FAT3: variants seen among roughly 807,000 people sequenced by gnomAD.
FAT3 encodes the protein protocadherin Fat 3.
Under a neutral mutation model 310.2 loss-of-function variants are expected in FAT3, and 95 were observed. That is an observed-to-expected ratio of 0.31 (90% CI 0.26 to 0.36). FAT3 has a LOEUF of 0.36. Among genes scored for constraint, FAT3 ranks in the 10% least tolerant of loss-of-function variants. FAT3 has a pLI of 1.00. For synonymous variants in FAT3, 2,314 were observed against 2,192.9 expected (o/e 1.06, Z -1.54); for missense variants, 5,408 against 5,715.6 (o/e 0.95, Z 1.74).
At position 92,354,773 on chromosome 11, in the gene FAT3, T is replaced by C; in HGVS notation, c.2661T>C (p.Tyr887=). The C allele has an allele frequency of 1.9e-6, 3 of 1,613,960 alleles. No individual in the cohort carries two copies. The highest frequency in any genetic ancestry group is 2.5e-6 in the Non-Finnish European group (3 of 1,179,880). The change falls in exon 2 of 28, where the codon TAT becomes TAC. Residue 887 remains tyrosine (Y), a synonymous_variant. Transcript: ENST00000525166. ...TCAATAGCTCAACTGGAATCGTTTA[T>C]GTAGCCGACCAGTTGGACCGGGAAT... ...FAINSSTGIV[Y]VADQLDRESK...
intron 1 of FAT3, among the ~76,000 whole-genome samples, chr11:92,254,261 A>T (rs901248397): frequency 1.3e-5 from 2 of 152,182 alleles, no homozygotes; most frequent in Non-Finnish European, 2.9e-5. Flanking sequence ...CTCCACACCC[A>T]AATATGGACA....
Position 92,320,135 on chromosome 11 carries a change from T to C in FAT3, c.-17-31961T>C, listed in dbSNP as rs182147390. ...GCAGGTGAGAACTGGGGATTTTCAT[T>C]TATTAGGTTGGTGCAAAAGTAATTG... On this transcript the variant is annotated intron_variant, in intron 1 of 27. Transcript: ENST00000525166. Among the ~76,000 whole-genome samples, 5 of 152,332 alleles carry C rather than the reference T, an allele frequency of 3.3e-5. No individual in the cohort carries two copies. In the East Asian group the frequency reaches 9.7e-4, roughly 29 times the overall value.
chr11:92,319,124 C>G (rs1359485613), intron 1 of FAT3, among the ~76,000 whole-genome samples: 1 of 152,166 alleles, frequency 6.6e-6, no homozygotes, highest in African/African-American at 2.4e-5. Context: ...TTGGACATCT[C>G]TATGAAAGGC....
intron 1 of FAT3, among the ~76,000 whole-genome samples, chr11:92,266,556 G>A (rs7113237): frequency 0.12 from 18,695 of 152,082 alleles, 1,261 homozygotes; most frequent in East Asian, 0.3. Context: ...GTTATATTAG[G>A]GAATTTAGTA....
At chr11:92,341,436 C>T (rs1039986558) in intron 1 of FAT3, among the ~76,000 whole-genome samples, 1 of 152,104 alleles carries the variant, frequency 6.6e-6, no homozygotes, top group Non-Finnish European at 1.5e-5. Flanking sequence ...CTTATATGCA[C>T]CAGTCAATAA....
At chr11:92,486,948 C>A (rs559575125) in intron 2 of FAT3, among the ~76,000 whole-genome samples, 3 of 152,204 alleles carry the variant, frequency 2.0e-5, no homozygotes, top group Non-Finnish European at 4.4e-5. Flanking sequence ...ATTGGGGAGC[C>A]TAACCCTGAT....
chr11:92,872,582 T>TAGACACTA (rs1242032567), intron 22 of FAT3, among the ~76,000 whole-genome samples: 39 of 152,334 alleles, frequency 2.6e-4, no homozygotes, highest in Non-Finnish European at 8.8e-5. Context: ...TTAATAATTA[T>TAGACACTA]AGACACTAAT....
chr11:92,321,202 C>T (rs1012452304), intron 1 of FAT3, among the ~76,000 whole-genome samples: 1 of 151,952 alleles, frequency 6.6e-6, no homozygotes, highest in Non-Finnish European at 1.5e-5. Context: ...TTTGGGAGGC[C>T]AAGGCAGGCG....
chr11:92,645,450 AG>A (rs1419464906), intron 3 of FAT3, among the ~76,000 whole-genome samples: 1 of 150,800 alleles, frequency 6.6e-6, no homozygotes, highest in Non-Finnish European at 1.5e-5. Flanking sequence ...TCCTAATAAA[AG>A]TTTTAGGACT....
At chr11:92,596,956 A>G (rs1372413323) in intron 3 of FAT3, among the ~76,000 whole-genome samples, 1 of 151,790 alleles carries the variant, frequency 6.6e-6, no homozygotes, top group Non-Finnish European at 1.5e-5. Flanking sequence ...CTCTGTACCT[A>G]TCTCTTATTT....
Position 92,800,627 on chromosome 11 carries a change from CTT to C in FAT3, c.7616_7617del (p.Phe2539CysfsTer30). 1 of 1,613,762 alleles carries C rather than the reference CTT, an allele frequency of 6.2e-7. No homozygotes were observed. The highest frequency in any genetic ancestry group is 8.5e-7 in the Non-Finnish European group (1 of 1,179,808). The stretch of plus-strand genomic sequence containing the variant: ...AGATCAGCTATGCCATCATCAATGA[CTT>C]TGCCAAGGATCGATTCCTCATAGAC... ...GQISYAIIND[F>X]AKDRFLIDSN... On this transcript the variant is annotated frameshift_variant, in exon 10 of 28. Transcript: ENST00000525166. LOFTEE classifies it high-confidence loss of function.
At position 92,891,929 on chromosome 11, in the gene FAT3, T is replaced by C. The variant is rs913337823; in HGVS notation, c.*816T>C. On this transcript the variant is annotated 3_prime_UTR_variant, in exon 28 of 28. Coordinates refer to ENST00000525166, the MANE Select transcript of FAT3 (RefSeq NM_001367949.2). Reference sequence around the variant, plus strand: ...TTCCAGTTGGTAAATCTAACATTGCTACAGAAGTTGGCTTTGTTCATATAG... The same window carrying C: ...TTCCAGTTGGTAAATCTAACATTGCCACAGAAGTTGGCTTTGTTCATATAG... 8 of 152,236 alleles carry C rather than the reference T, an allele frequency of 5.3e-5. No individual in the cohort carries two copies. The highest frequency in any genetic ancestry group is 1.3e-4 in the Admixed American group (2 of 15,290). 9.4% of individuals were successfully genotyped at this position (152,236 alleles called of 1,614,324 possible).
At chr11:92,523,547 T>A (rs1271463134) in intron 2 of FAT3, among the ~76,000 whole-genome samples, 1 of 152,208 alleles carries the variant, frequency 6.6e-6, no homozygotes, top group Non-Finnish European at 1.5e-5. Flanking sequence ...TAGGCTAAGT[T>A]ATATGCCTAA....
At chr11:92,674,886 A>G (rs1282299469) in intron 3 of FAT3, among the ~76,000 whole-genome samples, 1 of 152,150 alleles carries the variant, frequency 6.6e-6, no homozygotes, top group African/African-American at 2.4e-5. Flanking sequence ...CATAATGAGG[A>G]TTTTGGAAGG....
chr11:92,674,984 T>C (rs1943244664), intron 3 of FAT3, among the ~76,000 whole-genome samples: 1 of 152,210 alleles, frequency 6.6e-6, no homozygotes, highest in South Asian at 2.1e-4. Context: ...TATTCCTTGT[T>C]CCTCCTCTGA....
intron 18 of FAT3, 39 bp downstream of exon 18, chr11:92,840,798 T>TG (rs1302917848): frequency 6.8e-7 from 1 of 1,478,078 alleles, no homozygotes; most frequent in East Asian, 2.3e-5. Context: ...GCTGTCTTTC[T>TG]TTCTCATGCT....
chr11:92,762,196 A>G, intron 5 of FAT3, 26 bp downstream of exon 5: 1 of 1,583,854 alleles, frequency 6.3e-7, no homozygotes, highest in South Asian at 1.1e-5. Flanking sequence ...CTCCAGCAGC[A>G]CAGCAGATGG....
chr11:92,292,190 C>T (rs979014945), intron 1 of FAT3, among the ~76,000 whole-genome samples: 1 of 151,928 alleles, frequency 6.6e-6, no homozygotes, highest in Non-Finnish European at 1.5e-5. Flanking sequence ...TTGGTTAATC[C>T]TAGTCTTAGA....
intron 3 of FAT3, among the ~76,000 whole-genome samples, chr11:92,638,512 A>T (rs2135721073): frequency 6.6e-6 from 1 of 152,292 alleles, no homozygotes; most frequent in South Asian, 2.1e-4. Flanking sequence ...TGGAGCCCAG[A>T]TTTCATAAAT....
Sources: allele counts gnomAD v4.1 joint callset (sites outside exome capture counted in the v4.1 genomes callset), GRCh38; gene constraint gnomAD v4.1.1; transcripts MANE v1.5; gene names NCBI Gene and HGNC (gene_info 2026-07-23, HGNC 2026-07-21).